Variants in CBR4 observed in about 807,000 individuals in gnomAD.
CBR4 encodes carbonyl reductase 4.
A neutral mutation model predicts 21.0 loss-of-function variants in CBR4; 22 were observed. The ratio of observed to expected loss-of-function variants is 1.05; its 90% CI spans 0.75 to 1.50. CBR4 has a LOEUF of 1.50. Among genes scored for constraint, CBR4 ranks in the 40% most tolerant of loss-of-function variants. The pLI is 0.00. For synonymous variants in CBR4, 100 were observed against 104.4 expected (o/e 0.96, Z 0.26); for missense variants, 302 against 286.3 (o/e 1.05, Z -0.40).
chr4:168,991,706 C>A (rs1488440212), intron 4 of CBR4, among the ~76,000 whole-genome samples: 1 of 152,038 alleles, frequency 6.6e-6, no homozygotes, highest in Non-Finnish European at 1.5e-5. Flanking sequence ...CATACAAATA[C>A]GTATTAATAA....
At chr4:168,935,823 C>A (rs914320312) in intron 2 of CBR4, among the ~76,000 whole-genome samples, 1 of 152,158 alleles carries the variant, frequency 6.6e-6, no homozygotes, top group Non-Finnish European at 1.5e-5. Context: ...GAAGGGGTGG[C>A]GGTGGGTGCA....
intron 2 of CBR4, among the ~76,000 whole-genome samples, chr4:168,957,563 CA>C (rs1176170067): frequency 6.6e-6 from 1 of 152,166 alleles, no homozygotes; most frequent in Non-Finnish European, 1.5e-5. Context: ...CTACCAGAAT[CA>C]AGATACAAAC....
chr4:168,970,135 CTCTT>C (rs1344133610), intron 2 of CBR4, among the ~76,000 whole-genome samples: 9 of 152,258 alleles, frequency 5.9e-5, no homozygotes, highest in East Asian at 3.9e-4. Context: ...TTGATACTGA[CTCTT>C]TATTAGTTAT....
chr4:168,949,931 T>C (rs1763494049), intron 2 of CBR4, among the ~76,000 whole-genome samples: 1 of 152,122 alleles, frequency 6.6e-6, no homozygotes, highest in South Asian at 2.1e-4. Flanking sequence ...TTGAATAATC[T>C]TTTGTATTTC....
At chr4:169,005,346 A>G (rs1409159811) in intron 3 of CBR4, 1 of 152,490 alleles carries the variant, frequency 6.6e-6, no homozygotes, top group Non-Finnish European at 1.5e-5. Flanking sequence ...TGGCTTTTAA[A>G]AGAAAAAAAA....
chr4:168,958,950 T>C (rs1763765179), intron 2 of CBR4, among the ~76,000 whole-genome samples: 1 of 152,222 alleles, frequency 6.6e-6, no homozygotes, highest in African/African-American at 2.4e-5. Flanking sequence ...TTTTCATGTA[T>C]ATATGTATAT....
At chr4:168,923,699 G>A in intron 2 of CBR4, among the ~76,000 whole-genome samples, 1 of 152,012 alleles carries the variant, frequency 6.6e-6, no homozygotes, top group Non-Finnish European at 1.5e-5. Flanking sequence ...TAGTTTACAG[G>A]TAACTATTTA....
intron 2 of CBR4, among the ~76,000 whole-genome samples, chr4:168,970,868 A>C (rs1213807069): frequency 6.6e-6 from 1 of 151,114 alleles, no homozygotes; most frequent in East Asian, 1.9e-4. Context: ...TTCTTCATCT[A>C]CTCGTTGGTT....
At chr4:168,909,393 C>T (rs1758447366) in intron 2 of CBR4, among the ~76,000 whole-genome samples, 1 of 152,048 alleles carries the variant, frequency 6.6e-6, no homozygotes, top group Admixed American at 6.6e-5. Context: ...TGGCCTTGCA[C>T]AAGGTATGAA....
chr4:169,008,535 T>A (rs1731114510), intron 1 of CBR4, among the ~76,000 whole-genome samples: 1 of 152,038 alleles, frequency 6.6e-6, no homozygotes, highest in African/African-American at 2.4e-5. Flanking sequence ...CACTACCCCA[T>A]CAAGCCTTTG....
chr4:168,994,348 C>G (rs1384691272), intron 4 of CBR4, among the ~76,000 whole-genome samples: 1 of 152,180 alleles, frequency 6.6e-6, no homozygotes, highest in Admixed American at 6.5e-5. Flanking sequence ...TCCTTGCCCT[C>G]ATTCCGGTAA....
At chr4:168,958,935 G>A (rs1763764853) in intron 2 of CBR4, among the ~76,000 whole-genome samples, 1 of 152,114 alleles carries the variant, frequency 6.6e-6, no homozygotes, top group Non-Finnish European at 1.5e-5. Flanking sequence ...CTGGTCAAAA[G>A]TCCTTTTTCA....
chr4:169,009,059 C>CAAAAAAAAAAAAAA, intron 1 of CBR4: 2 of 359,598 alleles, frequency 5.6e-6, no homozygotes, highest in African/African-American at 5.9e-5. Context: ...GAAGCCCTCT[C>CAAAAAAAAAAAAAA]AAAAAAAAAA....
chr4:168,908,632 GTTAT>G (rs1273380001), intron 2 of CBR4, among the ~76,000 whole-genome samples: 2 of 152,002 alleles, frequency 1.3e-5, no homozygotes, highest in African/African-American at 4.8e-5. Context: ...AAATTTTAAA[GTTAT>G]TTGAGTTTAG....
At chr4:169,004,639 C>T (rs1730746346) in intron 3 of CBR4, among the ~76,000 whole-genome samples, 1 of 152,220 alleles carries the variant, frequency 6.6e-6, no homozygotes, top group African/African-American at 2.4e-5. Flanking sequence ...CATGAGATTG[C>T]AGCAATTCAA....
At chr4:168,957,733 T>G (rs1763727405) in intron 2 of CBR4, among the ~76,000 whole-genome samples, 3 of 152,214 alleles carry the variant, frequency 2.0e-5, no homozygotes, top group African/African-American at 4.8e-5. Flanking sequence ...TGAATTCTGA[T>G]ATGGTTTAGC....
chr4:168,986,582 T>C (rs1764698904), downstream of CBR4, among the ~76,000 whole-genome samples: 1 of 152,176 alleles, frequency 6.6e-6, no homozygotes, highest in Non-Finnish European at 1.5e-5. Flanking sequence ...CTCCTATTAC[T>C]AGCAGTGTTA....
chr4:168,947,600 T>C (rs1266073990), intron 2 of CBR4, among the ~76,000 whole-genome samples: 2 of 152,202 alleles, frequency 1.3e-5, no homozygotes, highest in African/African-American at 4.8e-5. Context: ...TGCGTCCTCA[T>C]AGCTTAGCTC....
intron 2 of CBR4, among the ~76,000 whole-genome samples, chr4:168,908,097 T>TTA (rs2151353825): frequency 6.6e-6 from 1 of 152,324 alleles, no homozygotes; most frequent in South Asian, 2.1e-4. Flanking sequence ...TTTATGCCAC[T>TTA]TAGCAGTAGT....
Sources: gnomAD v4.1 joint callset for allele counts (sites outside exome capture counted in the v4.1 genomes callset) on GRCh38, gnomAD v4.1.1 for gene constraint, MANE v1.5 for transcripts, NCBI Gene and HGNC (gene_info 2026-07-23, HGNC 2026-07-21) for gene names.